LRP1B: variants seen among roughly 807,000 people sequenced by gnomAD.
LRP1B encodes the protein low-density lipoprotein receptor-related protein 1B.
In LRP1B, 217 loss-of-function variants were observed where a neutral mutation model predicts 556.6. That is an observed-to-expected ratio of 0.39 (90% CI 0.35 to 0.44). LRP1B has a LOEUF of 0.44. Ranked by LOEUF, LRP1B falls within the 20% of genes least tolerant of loss-of-function variation. The pLI, the probability that LRP1B is intolerant of heterozygous loss-of-function variation, is 1.00. For synonymous variants in LRP1B, 2,047 were observed against 1,865.8 expected (o/e 1.10, Z -2.50); for missense variants, 5,053 against 5,620.8 (o/e 0.90, Z 3.23).
At chr2:140,337,176 A>G (rs939378976) in intron 77 of LRP1B, among the ~76,000 whole-genome samples, 5 of 151,890 alleles carry the variant, frequency 3.3e-5, no homozygotes, top group African/African-American at 1.2e-4. Flanking sequence ...GATCTCAAGG[A>G]AAATACGGCT....
At position 141,300,316 on chromosome 2, in the gene LRP1B, A is replaced by C. The variant is rs144101107; in HGVS notation, c.344-45675T>G. ...AAAGTCATTTGAGCACCATTATATA[A>C]ATTTTAAAATTTTAACCCTCGATTC... On this transcript the variant is annotated intron_variant, in intron 3 of 90. Transcript: ENST00000389484. Among the ~76,000 whole-genome samples the C allele has an allele frequency of 7.9e-3, 1,201 of 152,270 alleles. 13 individuals are homozygous for C. The highest frequency in any genetic ancestry group is 0.027 in the African/African-American group (1,111 of 41,558).
intron 42 of LRP1B, among the ~76,000 whole-genome samples, chr2:140,599,786 C>T (rs550810137): frequency 1.3e-5 from 2 of 152,108 alleles, no homozygotes; most frequent in East Asian, 3.9e-4. Flanking sequence ...TCATTTCCCC[C>T]CTTCATTTCA....
chr2:141,073,723 G>A (rs940189819), intron 7 of LRP1B, among the ~76,000 whole-genome samples: 5 of 151,892 alleles, frequency 3.3e-5, no homozygotes, highest in African/African-American at 4.8e-5. Flanking sequence ...GGCAAAAAGC[G>A]CTTCCTTCTA....
At chr2:140,297,763 T>A (rs1197811197) in intron 84 of LRP1B, 45 bp downstream of exon 84, 1 of 1,540,278 alleles carries the variant, frequency 6.5e-7, no homozygotes, top group Non-Finnish European at 8.8e-7. Context: ...ATCAGAAGAT[T>A]AACATAAACA....
chr2:140,669,692 T>C (rs1464263942), intron 41 of LRP1B, among the ~76,000 whole-genome samples: 1 of 152,080 alleles, frequency 6.6e-6, no homozygotes, highest in Non-Finnish European at 1.5e-5. Context: ...CAGTCTACCA[T>C]GGGATTCCTT....
At chr2:140,254,827 C>A (rs992481711) in intron 86 of LRP1B, among the ~76,000 whole-genome samples, 8 of 152,100 alleles carry the variant, frequency 5.3e-5, no homozygotes, top group Admixed American at 3.9e-4. Context: ...GCTGGGATTA[C>A]AGGAGTGAGC....
At chr2:141,024,993 G>T (rs1698177400) in intron 11 of LRP1B, among the ~76,000 whole-genome samples, 1 of 152,134 alleles carries the variant, frequency 6.6e-6, no homozygotes, top group Non-Finnish European at 1.5e-5. Context: ...TCTTTGAAAA[G>T]ATACTTCTGA....
chr2:142,015,852 C>T (rs1201753578), intron 1 of LRP1B, among the ~76,000 whole-genome samples: 24 of 151,676 alleles, frequency 1.6e-4, no homozygotes, highest in African/African-American at 5.1e-4. Context: ...ATTAGCCGGG[C>T]GTGGTGGCGG....
At chr2:140,451,086 TACATGCC>T (rs1382916962) in intron 62 of LRP1B, among the ~76,000 whole-genome samples, 1 of 152,118 alleles carries the variant, frequency 6.6e-6, no homozygotes, top group Non-Finnish European at 1.5e-5. Flanking sequence ...GGACTATAGG[TACATGCC>T]ACCTCGCCCA....
At chr2:141,136,121 T>C (rs1701485824) in intron 7 of LRP1B, among the ~76,000 whole-genome samples, 1 of 151,882 alleles carries the variant, frequency 6.6e-6, no homozygotes, top group Non-Finnish European at 1.5e-5. Flanking sequence ...TTTTTTTAAA[T>C]ATAAAAGGAC....
intron 2 of LRP1B, among the ~76,000 whole-genome samples, chr2:141,493,286 A>T (rs551029980): frequency 1.3e-5 from 2 of 152,274 alleles, no homozygotes; most frequent in African/African-American, 4.8e-5. Flanking sequence ...CTAATTATGT[A>T]TCTTTTTCTG....
chr2:140,693,017 T>C (rs757017612), intron 41 of LRP1B, among the ~76,000 whole-genome samples: 1 of 152,132 alleles, frequency 6.6e-6, no homozygotes, highest in Non-Finnish European at 1.5e-5. Flanking sequence ...ATTCATTAAA[T>C]TCATTATTTT....
intron 1 of LRP1B, among the ~76,000 whole-genome samples, chr2:141,884,219 T>TAA (rs1699040690): frequency 7.9e-6 from 1 of 126,218 alleles, no homozygotes; most frequent in Non-Finnish European, 1.8e-5. Flanking sequence ...TACAAAAAAA[T>TAA]AAAAATAATA....
At chr2:141,875,104 A>G (rs1008928317) in intron 1 of LRP1B, among the ~76,000 whole-genome samples, 1 of 151,724 alleles carries the variant, frequency 6.6e-6, no homozygotes, top group East Asian at 1.9e-4. Flanking sequence ...TGATGTATAT[A>G]TTATACACAG....
intron 85 of LRP1B, among the ~76,000 whole-genome samples, chr2:140,271,914 T>C (rs1682477597): frequency 6.6e-6 from 1 of 151,922 alleles, no homozygotes; most frequent in South Asian, 2.1e-4. Context: ...TATAGTTTCT[T>C]GTTTTATCAA....
intron 2 of LRP1B, among the ~76,000 whole-genome samples, chr2:141,562,086 T>C (rs1221285808): frequency 6.6e-6 from 1 of 151,912 alleles, no homozygotes; most frequent in Admixed American, 6.6e-5. Context: ...AATGGAGAGA[T>C]GTGTTATACA....
intron 1 of LRP1B, among the ~76,000 whole-genome samples, chr2:142,003,176 C>T (rs1462199144): frequency 1.3e-5 from 2 of 152,202 alleles, no homozygotes; most frequent in Admixed American, 6.5e-5. Flanking sequence ...TATGAATCAA[C>T]GTGATTCCAT....
At chr2:141,386,236 C>T (rs1689830727) in intron 3 of LRP1B, among the ~76,000 whole-genome samples, 1 of 152,106 alleles carries the variant, frequency 6.6e-6, no homozygotes, top group Admixed American at 6.5e-5. Context: ...CATGCAAATA[C>T]TTTAAAATCC....
At chr2:141,131,406 G>GA (rs1558881792) in intron 7 of LRP1B, among the ~76,000 whole-genome samples, 1 of 11,134 alleles carries the variant, frequency 9.0e-5, no homozygotes, top group African/African-American at 4.0e-4. Flanking sequence ...AATGCATAAA[G>GA]TTATATATAT....
Sources: gnomAD v4.1 joint callset for allele counts (sites outside exome capture counted in the v4.1 genomes callset) on GRCh38, gnomAD v4.1.1 for gene constraint, MANE v1.5 for transcripts, NCBI Gene and HGNC (gene_info 2026-07-23, HGNC 2026-07-21) for gene names.